The following CSMD1 variants were observed in gnomAD, a reference collection of about 807,000 sequenced individuals.
The protein encoded by CSMD1 is CUB and sushi domain-containing protein 1.
In CSMD1, 213 loss-of-function variants were observed where a neutral mutation model predicts 417.5. That is an observed-to-expected ratio of 0.51 (90% CI 0.46 to 0.57). The LOEUF is 0.57. Among genes scored for constraint, CSMD1 ranks in the 20% least tolerant of loss-of-function variants. The pLI, the probability that CSMD1 is intolerant of heterozygous loss-of-function variation, is 0.00. For synonymous variants in CSMD1, 2,862 were observed against 1,736.8 expected (o/e 1.65, Z -16.11); for missense variants, 6,923 against 4,529.7 (o/e 1.53, Z -15.17).
intron 5 of CSMD1, among the ~76,000 whole-genome samples, chr8:3,888,793 A>G (rs532445480): frequency 2.6e-5 from 4 of 152,154 alleles, no homozygotes; most frequent in Admixed American, 2.6e-4. Context: ...CCTTCCAAAT[A>G]GCCCTTCTAA....
chr8:4,975,344 A>G (rs760616791), intron 1 of CSMD1, among the ~76,000 whole-genome samples: 5 of 152,266 alleles, frequency 3.3e-5, no homozygotes, highest in Admixed American at 6.5e-5. Context: ...GGCAATAAGA[A>G]AAGAAAAAGA....
chr8:4,408,601 G>T (rs780846907), intron 3 of CSMD1, among the ~76,000 whole-genome samples: 1 of 152,256 alleles, frequency 6.6e-6, no homozygotes, highest in Middle Eastern at 3.4e-3. Context: ...AAGCAATTAA[G>T]AAATGTCTGA....
chr8:4,821,525 A>T (rs1202572423), intron 1 of CSMD1, among the ~76,000 whole-genome samples: 1 of 152,160 alleles, frequency 6.6e-6, no homozygotes, highest in Non-Finnish European at 1.5e-5. Context: ...GAAATATCTT[A>T]CAGTACAACA....
At chr8:3,308,258 C>CA in intron 24 of CSMD1, 54 bp downstream of exon 24, 1 of 1,400,188 alleles carries the variant, frequency 7.1e-7, no homozygotes, top group Non-Finnish European at 9.9e-7. Context: ...CAACATGGTG[C>CA]AAGCACCCTA....
chr8:4,857,119 C>A (rs910842318), intron 1 of CSMD1, among the ~76,000 whole-genome samples: 16 of 151,102 alleles, frequency 1.1e-4, no homozygotes, highest in Non-Finnish European at 1.6e-4. Context: ...ATCTCACTCA[C>A]AACCGCTCAA....
chr8:4,207,066 G>A (rs1044161674), intron 3 of CSMD1, among the ~76,000 whole-genome samples: 3 of 151,990 alleles, frequency 2.0e-5, no homozygotes, highest in South Asian at 2.1e-4. Context: ...ATTTGCAAGA[G>A]GTGTATTATG....
At chr8:3,765,924 G>A (rs965088258) in intron 5 of CSMD1, among the ~76,000 whole-genome samples, 7 of 152,242 alleles carry the variant, frequency 4.6e-5, no homozygotes, top group Non-Finnish European at 1.0e-4. Flanking sequence ...AGACTTGAGA[G>A]AAGGCTGTAA....
At chr8:4,844,869 A>G (rs1801042430) in intron 1 of CSMD1, among the ~76,000 whole-genome samples, 1 of 152,180 alleles carries the variant, frequency 6.6e-6, no homozygotes, top group Admixed American at 6.5e-5. Context: ...CCAGTACTAC[A>G]TCTGCTTAAC....
chr8:3,589,984 C>T (rs1466395936), intron 8 of CSMD1, among the ~76,000 whole-genome samples: 1 of 151,952 alleles, frequency 6.6e-6, no homozygotes, highest in Non-Finnish European at 1.5e-5. Flanking sequence ...CTTCAGAAGA[C>T]ATTAGAGTGT....
chr8:4,284,847 G>A (rs75540538), intron 3 of CSMD1, among the ~76,000 whole-genome samples: 4,747 of 151,692 alleles, frequency 0.031, 97 homozygotes, highest in African/African-American at 0.049. Flanking sequence ...ACAAAACAAA[G>A]AAACAAAAAC....
intron 3 of CSMD1, among the ~76,000 whole-genome samples, chr8:4,146,442 C>G (rs1395811423): frequency 6.6e-6 from 1 of 150,432 alleles, no homozygotes; most frequent in Non-Finnish European, 1.5e-5. Flanking sequence ...GGATGTGTCT[C>G]AGCAGTAAGT....
intron 2 of CSMD1, among the ~76,000 whole-genome samples, chr8:4,611,095 C>G (rs533464910): frequency 6.6e-6 from 1 of 152,008 alleles, no homozygotes; most frequent in African/African-American, 2.4e-5. Context: ...AGAGAATTGC[C>G]TACTGCACTC....
chr8:3,357,728 C>G (rs1240668340), intron 21 of CSMD1, among the ~76,000 whole-genome samples: 2 of 152,128 alleles, frequency 1.3e-5, no homozygotes, highest in Non-Finnish European at 2.9e-5. Flanking sequence ...TAGACTCCAA[C>G]CAATTCTGGG....
At chr8:4,399,480 G>A (rs74715296) in intron 3 of CSMD1, among the ~76,000 whole-genome samples, 3 of 152,256 alleles carry the variant, frequency 2.0e-5, no homozygotes. Context: ...TTTTCCTCAT[G>A]TTCACGCTTA....
chr8:4,745,724 C>G (rs527899065), intron 1 of CSMD1, among the ~76,000 whole-genome samples: 125 of 152,194 alleles, frequency 8.2e-4, no homozygotes, highest in Non-Finnish European at 1.4e-3. Flanking sequence ...ACTTAGCATA[C>G]TTTAATGGAG....
intron 21 of CSMD1, among the ~76,000 whole-genome samples, chr8:3,349,568 C>A (rs934364869): frequency 7.9e-5 from 12 of 151,350 alleles, no homozygotes; most frequent in African/African-American, 2.9e-4. Flanking sequence ...GAAGTGCAGG[C>A]AATTGGTGAC....
chr8:3,918,391 A>G (rs1808978949), intron 5 of CSMD1, among the ~76,000 whole-genome samples: 3 of 152,122 alleles, frequency 2.0e-5, no homozygotes, highest in Admixed American at 1.3e-4. Context: ...CCATCTTAAC[A>G]AATATCACGT....
At chr8:3,314,370 T>G (rs1805591132) in intron 23 of CSMD1, among the ~76,000 whole-genome samples, 1 of 152,222 alleles carries the variant, frequency 6.6e-6, no homozygotes, top group South Asian at 2.1e-4. Context: ...CTGATCAATT[T>G]TAAGCCTGCT....
chr8:4,328,125 T>C lies in CSMD1; in HGVS notation c.415+91828A>G, dbSNP rs147710608. Among the ~76,000 whole-genome samples, 946 of 152,274 alleles carry C rather than the reference T, an allele frequency of 6.2e-3. 7 individuals are homozygous for C. Among genetic ancestry groups the C allele is most frequent in the Non-Finnish European group, 0.011 (748 of 68,020 alleles). ...GCAAACAAGTCACTATGTCCATTTA[T>C]GAATGAAGAAATACTCAAAGATGTT... On this transcript the variant is annotated intron_variant, in intron 3 of 69. Coordinates refer to ENST00000635120, the MANE Select transcript of CSMD1 (RefSeq NM_033225.6).
Sources: allele counts gnomAD v4.1 joint callset (sites outside exome capture counted in the v4.1 genomes callset), GRCh38; gene constraint gnomAD v4.1.1; transcripts MANE v1.5; gene names NCBI Gene and HGNC (gene_info 2026-07-23, HGNC 2026-07-21).